The following TSPEAR variants were observed in gnomAD, a reference collection of about 807,000 sequenced individuals.
TSPEAR encodes thrombospondin type laminin G domain and EAR repeats, also known as thrombospondin-type laminin G domain and EAR repeat-containing protein.
Under a neutral mutation model 71.6 loss-of-function variants are expected in TSPEAR, and 69 were observed. The ratio of observed to expected loss-of-function variants is 0.96; its 90% CI spans 0.79 to 1.18. TSPEAR has a LOEUF of 1.18. Among genes scored for constraint, TSPEAR ranks in the 50% most tolerant of loss-of-function variants. The pLI, the probability that TSPEAR is intolerant of heterozygous loss-of-function variation, is 0.00. For missense variants in TSPEAR, 971 were observed against 894.9 expected (o/e 1.09, Z -1.09); for synonymous variants, 402 against 387.2 (o/e 1.04, Z -0.45).
In TSPEAR at chr21:44,561,198, A is replaced by G. The variant is rs151145234; in HGVS notation, c.303+6587T>C. ...ATACAAACGGCCATCAGAGAATACT[A>G]TAAACACCTCTACAAAATAAACTAG... On this transcript the variant is annotated intron_variant, in intron 2 of 11. Transcript: ENST00000323084. Among the ~76,000 whole-genome samples the G allele has an allele frequency of 3.3e-5, 5 of 152,384 alleles. No homozygotes were observed. In the East Asian group the frequency reaches 5.8e-4, roughly 18 times the overall value.
chr21:44,602,566 TCCC>T (rs1358676225), intron 1 of TSPEAR, among the ~76,000 whole-genome samples: 1 of 151,572 alleles, frequency 6.6e-6, no homozygotes, highest in Admixed American at 6.6e-5. Context: ...TCCGAGGGGC[TCCC>T]CCCGGCCCCG....
chr21:44,676,989 C>A, intron 1 of TSPEAR: 1 of 927,414 alleles, frequency 1.1e-6, no homozygotes, highest in Non-Finnish European at 1.8e-6. Context: ...TCATTCCTTT[C>A]CACCCAGGAA....
chr21:44,693,260 G>A (rs1413357466), intron 1 of TSPEAR, among the ~76,000 whole-genome samples: 1 of 152,056 alleles, frequency 6.6e-6, no homozygotes, highest in Non-Finnish European at 1.5e-5. Flanking sequence ...AAAATCTTAG[G>A]AGAAAAGATG....
intron 1 of TSPEAR, among the ~76,000 whole-genome samples, chr21:44,609,417 C>A (rs587687360): frequency 6.6e-6 from 1 of 152,184 alleles, no homozygotes; most frequent in East Asian, 1.9e-4. Flanking sequence ...TCCACCAAAA[C>A]AAGGATATAA....
chr21:44,646,402 A>G, intron 1 of TSPEAR: 1 of 1,553,378 alleles, frequency 6.4e-7, no homozygotes, highest in South Asian at 1.2e-5. Context: ...ACTCACTCAC[A>G]CACACACTCA....
chr21:44,610,648 G>A (rs782160489), intron 1 of TSPEAR, among the ~76,000 whole-genome samples: 1 of 152,196 alleles, frequency 6.6e-6, no homozygotes, highest in Non-Finnish European at 1.5e-5. Flanking sequence ...CTGCCTAGTG[G>A]AGCTGTGATA....
At chr21:44,629,216 G>A (rs1076849) in intron 1 of TSPEAR, among the ~76,000 whole-genome samples, 78,511 of 152,004 alleles carry the variant, frequency 0.52, 20,417 homozygotes, top group Middle Eastern at 0.55. Flanking sequence ...GCCATACCCT[G>A]TGGGCACAAA....
chr21:44,534,309 T>A (rs1220801087), intron 2 of TSPEAR, among the ~76,000 whole-genome samples: 1 of 18,256 alleles, frequency 5.5e-5, no homozygotes, highest in Admixed American at 7.5e-4. Flanking sequence ...CTGGTGTGTG[T>A]GGGGCAGGGC....
At chr21:44,517,976 C>CAGAT (rs1308803069) in intron 9 of TSPEAR, 5 of 401,446 alleles carry the variant, frequency 1.2e-5, no homozygotes, top group Non-Finnish European at 2.5e-5. Flanking sequence ...TTTGGTTAGC[C>CAGAT]AGATACAGAC....
Position 44,499,573 on chromosome 21 carries a change from C to T in TSPEAR, c.*210G>A, listed in dbSNP as rs1212292098. On this transcript the variant is annotated 3_prime_UTR_variant, in exon 12 of 12. Transcript: ENST00000323084. ...TGGGCCTCTGCCTGCAAGACCAGAC[C>T]GTCACTGGGGCTGTGGCTCAGAAGG... 23 of 533,514 alleles carry T rather than the reference C, an allele frequency of 4.3e-5. No individual in the cohort carries two copies. Among genetic ancestry groups the T allele is most frequent in the Non-Finnish European group, 7.1e-5 (22 of 308,976 alleles). The allele number at this position is 533,514 out of a possible 1,614,324, so 33.0% of individuals were successfully genotyped here.
At chr21:44,634,245 C>T (rs1983415178) in intron 1 of TSPEAR, among the ~76,000 whole-genome samples, 1 of 151,990 alleles carries the variant, frequency 6.6e-6, no homozygotes, top group African/African-American at 2.4e-5. Context: ...TGAGCAATAC[C>T]CTGTCTCTGT....
chr21:44,591,051 C>T (rs1979772074), intron 1 of TSPEAR, among the ~76,000 whole-genome samples: 1 of 151,898 alleles, frequency 6.6e-6, no homozygotes, highest in Non-Finnish European at 1.5e-5. Flanking sequence ...TCAGGGGTGG[C>T]ATCACTTCCC....
intron 2 of TSPEAR, among the ~76,000 whole-genome samples, chr21:44,548,636 G>A (rs1398861937): frequency 6.6e-6 from 1 of 152,166 alleles, no homozygotes; most frequent in Non-Finnish European, 1.5e-5. Flanking sequence ...AAATACAACT[G>A]CAGAGCCAGG....
chr21:44,565,386 A>G (rs1555921615), intron 2 of TSPEAR, among the ~76,000 whole-genome samples: 1 of 152,216 alleles, frequency 6.6e-6, no homozygotes, highest in Non-Finnish European at 1.5e-5. Context: ...GTCTCATACC[A>G]TAATCACACA....
At chr21:44,700,619 G>A (rs976279272) in intron 1 of TSPEAR, among the ~76,000 whole-genome samples, 1 of 152,194 alleles carries the variant, frequency 6.6e-6, no homozygotes, top group African/African-American at 2.4e-5. Context: ...CGGGCAGTGG[G>A]AACTTCACGG....
At chr21:44,588,579 A>C (rs1979494890) in intron 1 of TSPEAR, among the ~76,000 whole-genome samples, 1 of 151,570 alleles carries the variant, frequency 6.6e-6, no homozygotes, top group South Asian at 2.1e-4. Flanking sequence ...TTGCTCACGC[A>C]TGTTTATAGC....
At chr21:44,562,215 T>C (rs929575752) in intron 2 of TSPEAR, among the ~76,000 whole-genome samples, 46 of 152,042 alleles carry the variant, frequency 3.0e-4, no homozygotes, top group African/African-American at 1.1e-3. Flanking sequence ...AAATCATGAG[T>C]GAACTCCCAT....
At chr21:44,627,432 G>T in intron 1 of TSPEAR, 1 of 1,613,188 alleles carries the variant, frequency 6.2e-7, no homozygotes, top group East Asian at 2.2e-5. Context: ...GCTGCCAGCC[G>T]GCTTACTGCA....
chr21:44,625,512 C>T (rs1474316001), intron 1 of TSPEAR, among the ~76,000 whole-genome samples: 2 of 152,194 alleles, frequency 1.3e-5, no homozygotes, highest in East Asian at 1.9e-4. Flanking sequence ...AAAGCTATGG[C>T]CTGAAAGAGC....
Sources: allele counts gnomAD v4.1 joint callset (sites outside exome capture counted in the v4.1 genomes callset), GRCh38; gene constraint gnomAD v4.1.1; transcripts MANE v1.5; gene names NCBI Gene and HGNC (gene_info 2026-07-23, HGNC 2026-07-21).